Variants in TM6SF1 observed in about 807,000 individuals in gnomAD.
TM6SF1 encodes transmembrane 6 superfamily member 1.
Under a neutral mutation model 47.1 loss-of-function variants are expected in TM6SF1, and 43 were observed. The observed-to-expected ratio is 0.91, with a 90% CI of 0.72 to 1.18. TM6SF1 has a LOEUF of 1.18. TM6SF1 is among the 50% of genes most tolerant of loss of function. TM6SF1 has a pLI of 0.00. For missense variants in TM6SF1, 390 were observed against 449.0 expected, an observed-to-expected ratio of 0.87 and a Z score of 1.19; for synonymous variants, 177 against 166.3, an observed-to-expected ratio of 1.06 and a Z score of -0.49.
Position 83,115,884 on chromosome 15 carries a change from T to C in TM6SF1, c.236T>C (p.Ile79Thr). 6.2e-7 allele frequency: 1 copy of C among 1,614,180 alleles called. No homozygotes were observed. The highest frequency in any genetic ancestry group is 1.3e-5 in the African/African-American group (1 of 75,040). The change falls in exon 3 of 10, where the codon ATC (isoleucine) becomes ACC (threonine). Residue 79 changes from isoleucine (I) to threonine (T), a missense_variant. By Grantham distance (89) the Ile-to-Thr change is moderately conservative. Coordinates refer to ENST00000322019, the MANE Select transcript of TM6SF1 (RefSeq NM_023003.5). ...VFGFTSVVNL[I>T]IGLEQDGIID... ...GGATTTACCAGCGTGGTGAACCTCA[T>C]CATAGGACTGGAGCAAGATGGAATC...
chr15:83,107,839 C>A lies in TM6SF1; in HGVS notation c.92+67C>A. 1 of 1,509,406 alleles carries A rather than the reference C, an allele frequency of 6.6e-7. No individual in the cohort carries two copies. The allele number at this position is 1,509,406 out of a possible 1,614,324, so 93.5% of individuals were successfully genotyped here. ...GGGAGTTGGCTCGCCGCGACGGGAG[C>A]CTCGCAACTTTTCCGAGGGGGCTGG... On this transcript the variant is annotated intron_variant, in intron 1 of 9. Coordinates refer to ENST00000322019, the MANE Select transcript of TM6SF1 (RefSeq NM_023003.5). This position sits in a 1 kb window ranked among gnomAD's most constrained non-coding sequence, Gnocchi z 5.6.
At chr15:83,121,408 G>C (rs1007457010) in intron 4 of TM6SF1, among the ~76,000 whole-genome samples, 4 of 152,110 alleles carry the variant, frequency 2.6e-5, no homozygotes, top group African/African-American at 9.7e-5. Flanking sequence ...CAGCATTGAA[G>C]ATTTGGGGTA....
chr15:83,122,070 A>C (rs914571831), intron 5 of TM6SF1, 67 bp downstream of exon 5: 2 of 1,253,574 alleles, frequency 1.6e-6, no homozygotes, highest in Non-Finnish European at 1.2e-6. Context: ...TTAAATAGAG[A>C]AGCTCTTTTA....
At chr15:83,125,318 G>A (rs2035641498) in intron 7 of TM6SF1, among the ~76,000 whole-genome samples, 1 of 152,160 alleles carries the variant, frequency 6.6e-6, no homozygotes, top group African/African-American at 2.4e-5. Context: ...GGGCACATGG[G>A]CATTTCATGT....
intron 2 of TM6SF1, chr15:83,113,131 G>A: frequency 1.8e-6 from 1 of 567,322 alleles, no homozygotes; most frequent in Non-Finnish European, 3.2e-6. Context: ...TGCCAGGCCA[G>A]GCAGGGCACC....
chr15:83,115,346 G>A (rs1005811504), intron 2 of TM6SF1: 1 of 274,926 alleles, frequency 3.6e-6, no homozygotes, highest in South Asian at 3.9e-5. Context: ...TTGAACTCCT[G>A]ACCTCAGGTG....
intron 1 of TM6SF1, chr15:83,108,027 G>A: frequency 2.9e-6 from 2 of 685,562 alleles, no homozygotes; most frequent in Non-Finnish European, 4.1e-6. Context: ...CGCGCCAGGT[G>A]CCCGGGGTCA....
At position 83,107,680 on chromosome 15, in the gene TM6SF1, G is replaced by C; in HGVS notation, c.-1G>C. 4 of 1,547,090 alleles carry C rather than the reference G, an allele frequency of 2.6e-6. No homozygotes were observed. Among genetic ancestry groups the C allele is most frequent in the Non-Finnish European group, 3.5e-6 (4 of 1,148,294 alleles). On this transcript the variant is annotated 5_prime_UTR_variant, in exon 1 of 10. Transcript: ENST00000322019. This position sits in a 1 kb window ranked among gnomAD's most constrained non-coding sequence, Gnocchi z 5.6. ...GAAGGGCGAGCGGCGCGGCGGCTGC[G>C]ATGAGTGCCTCTGCGGCCACCGGGG...
intron 9 of TM6SF1, chr15:83,134,016 T>C (rs2036444293): frequency 6.6e-6 from 1 of 152,202 alleles, no homozygotes; most frequent in African/African-American, 2.4e-5. Flanking sequence ...AAAATTTTTG[T>C]GCCTTGTTTA....
intron 2 of TM6SF1, chr15:83,115,258 C>G (rs2034553278): frequency 5.1e-6 from 1 of 195,346 alleles, no homozygotes; most frequent in African/African-American, 2.4e-5. Flanking sequence ...GCTGGGATTA[C>G]AGGCGTGCAC....
In TM6SF1 at chr15:83,119,652, C is replaced by A. The variant is rs745762093; in HGVS notation, c.369C>A (p.Tyr123Ter). The A allele has an allele frequency of 7.4e-6, 12 of 1,614,042 alleles. No homozygotes were observed. The Admixed American group carries it at 2.0e-4, about 27-fold the overall frequency. Residue 123 changes from tyrosine (Y) to a stop codon, truncating the protein, a stop_gained, in exon 4 of 10, where the codon TAC becomes TAA. Transcript: ENST00000322019. LOFTEE classifies it high-confidence loss of function. ...ATGGCTCTGCTCATTATCTGATGTA[C>A]CTGGTGATGGTGGCAGCCATAGCAT... ...YWDGSAHYLM[Y>*]LVMVAAIAWE...
In TM6SF1 at chr15:83,107,688, C is replaced by T. The variant is rs752636090; in HGVS notation, c.8C>T (p.Ala3Val). MSASAATGVFVLS... is the reference protein window; with the variant it reads MSVSAATGVFVLS... The stretch of plus-strand genomic sequence containing the variant: ...AGCGGCGCGGCGGCTGCGATGAGTG[C>T]CTCTGCGGCCACCGGGGTCTTCGTG... The change falls in exon 1 of 10, where the codon GCC (alanine) becomes GTC (valine). Residue 3 changes from alanine to valine, a missense_variant. Ala to Val is a moderately conservative substitution (Grantham distance 64, BLOSUM62 0). Coordinates refer to ENST00000322019, the MANE Select transcript of TM6SF1 (RefSeq NM_023003.5). The surrounding 1 kb of genome is among the most constrained non-coding windows in gnomAD (Gnocchi z 5.6). The T allele has an allele frequency of 3.8e-6, 6 of 1,559,256 alleles. No individual in the cohort carries two copies. Among genetic ancestry groups the T allele is most frequent in the South Asian group, 1.2e-5 (1 of 85,534 alleles).
chr15:83,114,443 T>C (rs2034471111), intron 2 of TM6SF1: 1 of 152,272 alleles, frequency 6.6e-6, no homozygotes, highest in African/African-American at 2.4e-5. Context: ...CTTGGAGACA[T>C]ATGATGGCTA....
intron 7 of TM6SF1, among the ~76,000 whole-genome samples, chr15:83,125,139 G>A (rs2035617364): frequency 6.6e-6 from 1 of 152,196 alleles, no homozygotes; most frequent in South Asian, 2.1e-4. Flanking sequence ...CTGTGGCACA[G>A]AGCATCCCTG....
chr15:83,124,993 C>G (rs2035601382), intron 7 of TM6SF1, among the ~76,000 whole-genome samples: 1 of 152,206 alleles, frequency 6.6e-6, no homozygotes, highest in Non-Finnish European at 1.5e-5. Flanking sequence ...TCAAGCTCTA[C>G]TCAGAAGCAT....
chr15:83,125,860 A>G (rs1415818236), intron 7 of TM6SF1, among the ~76,000 whole-genome samples: 2 of 152,182 alleles, frequency 1.3e-5, no homozygotes, highest in Non-Finnish European at 2.9e-5. Context: ...GTGAAATGTC[A>G]AGAAACTTTC....
intron 3 of TM6SF1, among the ~76,000 whole-genome samples, chr15:83,116,851 T>G (rs2034712879): frequency 6.6e-6 from 1 of 152,216 alleles, no homozygotes; most frequent in African/African-American, 2.4e-5. Context: ...AGTGTCCTGA[T>G]TCCTGCTTTG....
At chr15:83,119,807 G>A (rs2035053424) in intron 4 of TM6SF1, 126 bp downstream of exon 4, 3 of 1,461,684 alleles carry the variant, frequency 2.1e-6, no homozygotes, top group Non-Finnish European at 2.8e-6. Context: ...AAGTTCCATG[G>A]GTGCACGTCA....
At chr15:83,127,209 AAAAAT>A (rs1050372452) in intron 8 of TM6SF1, 144 bp from the exon 9 acceptor site, 4 of 767,974 alleles carry the variant, frequency 5.2e-6, no homozygotes, top group Non-Finnish European at 7.2e-6. Context: ...ATAAATAAAT[AAAAAT>A]AAAAGTAAAA....
Sources: allele counts gnomAD v4.1 joint callset (sites outside exome capture counted in the v4.1 genomes callset), GRCh38; gene constraint gnomAD v4.1.1; non-coding constraint Gnocchi (gnomAD v3.1); transcripts MANE v1.5; gene names NCBI Gene and HGNC (gene_info 2026-07-23, HGNC 2026-07-21).